The following KCND3 variants were observed in gnomAD, a reference collection of about 807,000 sequenced individuals.
KCND3 encodes A-type voltage-gated potassium channel KCND3.
KCND3 carries 9 observed loss-of-function variants against 51.1 expected under a neutral mutation model. The observed-to-expected ratio is 0.18, with a 90% confidence interval of 0.11 to 0.31. The LOEUF (loss-of-function observed/expected upper bound fraction) is 0.31. Among genes scored for constraint, KCND3 ranks in the 10% least tolerant of loss-of-function variants. KCND3 has a pLI of 1.00. For synonymous variants in KCND3, 349 were observed against 368.0 expected, an observed-to-expected ratio of 0.95 and a Z score of 0.59; for missense variants, 526 against 903.8, an observed-to-expected ratio of 0.58 and a Z score of 5.36.
intron 2 of KCND3, among the ~76,000 whole-genome samples, chr1:111,945,350 T>C (rs886506463): frequency 5.3e-5 from 8 of 152,234 alleles, no homozygotes; most frequent in Admixed American, 4.6e-4. Flanking sequence ...TTGGAATGCA[T>C]GGTGCAGCCT....
intron 2 of KCND3, among the ~76,000 whole-genome samples, chr1:111,789,291 C>T (rs996123642): frequency 3.3e-5 from 5 of 152,172 alleles, no homozygotes; most frequent in Non-Finnish European, 5.9e-5. Flanking sequence ...GTGAGAAAGC[C>T]GAACAATCCA....
intron 2 of KCND3, among the ~76,000 whole-genome samples, chr1:111,897,932 A>G (rs1176230890): frequency 6.6e-6 from 1 of 152,316 alleles, no homozygotes; most frequent in East Asian, 1.9e-4. Context: ...TTGGGACACC[A>G]GCGGTTTCTT....
intron 2 of KCND3, among the ~76,000 whole-genome samples, chr1:111,942,725 G>A (rs1372640718): frequency 6.6e-6 from 1 of 152,246 alleles, no homozygotes; most frequent in African/African-American, 2.4e-5. Context: ...AAGACACAGG[G>A]TGAGATGTGT....
rs990773925 is a variant in KCND3, at chr1:111,773,274, A to G, written c.*2803T>C. On this transcript the variant is annotated 3_prime_UTR_variant, in exon 8 of 8. Coordinates refer to ENST00000302127, the MANE Select transcript of KCND3 (RefSeq NM_001378969.1). ...ACATTTATTAATTTTTGTGGGAACC[A>G]GTAAAATGTTCCCTTGGTGCCCTAT... 4 of 152,224 alleles carry G rather than the reference A, an allele frequency of 2.6e-5. No homozygotes were observed. The highest frequency in any genetic ancestry group is 4.8e-5 in the African/African-American group (2 of 41,452). The allele number at this position is 152,224 out of a possible 1,614,324, so 9.4% of individuals were successfully genotyped here.
rs1671092536 is a variant in KCND3 at position 111,914,284 on chromosome 1, A to AC, written c.1106+67336_1106+67337insG. Among the ~76,000 whole-genome samples, 3 of 151,826 alleles carry AC rather than the reference A, an allele frequency of 2.0e-5. No individual in the cohort carries two copies. The South Asian group carries it at 6.2e-4, about 32-fold the overall frequency. Reference sequence around the variant, plus strand: ...AAGGAAAAAAGATTAAAAAAAAAAAAAACCCATAGCATCGGTGACCTGTAG... The same window carrying AC: ...AAGGAAAAAAGATTAAAAAAAAAAAACAACCCATAGCATCGGTGACCTGTAG... On this transcript the variant is annotated intron_variant, in intron 2 of 7. Coordinates refer to ENST00000302127, the MANE Select transcript of KCND3 (RefSeq NM_001378969.1).
At chr1:111,838,513 C>T (rs1185727704) in intron 2 of KCND3, among the ~76,000 whole-genome samples, 4 of 151,918 alleles carry the variant, frequency 2.6e-5, no homozygotes, top group African/African-American at 7.3e-5. Context: ...AAAAATTAGC[C>T]GGGCATGGTG....
intron 2 of KCND3, among the ~76,000 whole-genome samples, chr1:111,882,615 G>T (rs1435648848): frequency 1.3e-5 from 2 of 152,230 alleles, no homozygotes; most frequent in South Asian, 2.1e-4. Context: ...GGCTTCTGAG[G>T]TGTGGCCGGC....
intron 2 of KCND3, among the ~76,000 whole-genome samples, chr1:111,817,831 T>C (rs888847179): frequency 6.6e-6 from 1 of 152,240 alleles, no homozygotes; most frequent in African/African-American, 2.4e-5. Flanking sequence ...TGCGTCAATA[T>C]GTGCAAAGCA....
At chr1:111,934,870 T>A (rs1469767439) in intron 2 of KCND3, among the ~76,000 whole-genome samples, 1 of 152,102 alleles carries the variant, frequency 6.6e-6, no homozygotes, top group Non-Finnish European at 1.5e-5. Flanking sequence ...ATCTAAGTCA[T>A]GTGAGACTGC....
At chr1:111,870,570 G>A (rs1255539002) in intron 2 of KCND3, among the ~76,000 whole-genome samples, 1 of 152,184 alleles carries the variant, frequency 6.6e-6, no homozygotes, top group Non-Finnish European at 1.5e-5. Context: ...TGCTTGGAGA[G>A]CTATCAGCTA....
At chr1:111,800,636 A>G (rs1168730724) in intron 2 of KCND3, among the ~76,000 whole-genome samples, 4 of 151,866 alleles carry the variant, frequency 2.6e-5, no homozygotes, top group South Asian at 4.2e-4. Flanking sequence ...TCCCTGCCCT[A>G]TGGATGCATT....
At chr1:111,853,376 A>G (rs1667910975) in intron 2 of KCND3, among the ~76,000 whole-genome samples, 1 of 152,220 alleles carries the variant, frequency 6.6e-6, no homozygotes, top group African/African-American at 2.4e-5. Flanking sequence ...CAGACCTTCA[A>G]TTGAGGTCTG....
chr1:111,971,272 T>G (rs1428708859), intron 2 of KCND3, among the ~76,000 whole-genome samples: 1 of 147,314 alleles, frequency 6.8e-6, no homozygotes, highest in African/African-American at 2.5e-5. Context: ...GGGTACTGTT[T>G]GTTTAATAAT....
chr1:111,891,383 A>T (rs1043494463), intron 2 of KCND3, among the ~76,000 whole-genome samples: 1 of 152,202 alleles, frequency 6.6e-6, no homozygotes, highest in African/African-American at 2.4e-5. Flanking sequence ...AGAAGGAATA[A>T]ATAACAGAAT....
chr1:111,799,857 C>G (rs1473179555), intron 2 of KCND3, among the ~76,000 whole-genome samples: 2 of 152,214 alleles, frequency 1.3e-5, no homozygotes, highest in Admixed American at 6.5e-5. Flanking sequence ...GGATAAAAAC[C>G]AGGAAAGGAG....
chr1:111,924,693 G>A (rs769628872), intron 2 of KCND3, among the ~76,000 whole-genome samples: 3 of 152,246 alleles, frequency 2.0e-5, no homozygotes, highest in African/African-American at 2.4e-5. Context: ...CAGGGCTGCC[G>A]TAGCTCAGGG....
chr1:111,795,331 C>T (rs1452447981), intron 2 of KCND3, among the ~76,000 whole-genome samples: 6 of 152,356 alleles, frequency 3.9e-5, no homozygotes, highest in Non-Finnish European at 2.9e-5. Flanking sequence ...TCTGAAGACA[C>T]CACCTAGGGG....
chr1:111,854,019 G>A (rs1667944780), intron 2 of KCND3: 1 of 152,228 alleles, frequency 6.6e-6, no homozygotes, highest in South Asian at 2.1e-4. Context: ...AATATCTGCT[G>A]AGTGGATTAT....
intron 2 of KCND3, among the ~76,000 whole-genome samples, chr1:111,950,974 T>C (rs772130863): frequency 2.0e-5 from 3 of 151,980 alleles, no homozygotes; most frequent in Non-Finnish European, 4.4e-5. Flanking sequence ...AGTTCGAGAC[T>C]AGCCTGGCTA....
Sources: gnomAD v4.1 joint callset for allele counts (sites outside exome capture counted in the v4.1 genomes callset) on GRCh38, gnomAD v4.1.1 for gene constraint, MANE v1.5 for transcripts, NCBI Gene and HGNC (gene_info 2026-07-23, HGNC 2026-07-21) for gene names.